The following ZNF560 variants were observed in gnomAD, a reference collection of about 807,000 sequenced individuals.
ZNF560 encodes zinc finger protein 560.
Under a neutral mutation model 81.8 loss-of-function variants are expected in ZNF560, and 54 were observed. That is an observed-to-expected ratio of 0.66 (90% CI 0.53 to 0.83). The LOEUF (loss-of-function observed/expected upper bound fraction) is 0.83, where lower values mean the gene tolerates loss of function less well. Ranked by LOEUF, ZNF560 falls within the 40% of genes least tolerant of loss-of-function variation. The pLI, the probability that ZNF560 is intolerant of heterozygous loss-of-function variation, is 0.00. For synonymous variants in ZNF560, 321 were observed against 317.9 expected (o/e 1.01, Z -0.10); for missense variants, 940 against 932.4 (o/e 1.01, Z -0.11).
chr19:9,451,785 G>A, the ZNF560 span, among the ~76,000 whole-genome samples: 5 of 152,218 alleles, frequency 3.3e-5, no homozygotes, highest in East Asian at 9.7e-4. Context: ...ATTAAAAAAT[G>A]GGCAAATGGT....
chr19:9,477,656 T>G (rs906187524), intron 2 of ZNF560, among the ~76,000 whole-genome samples: 1 of 152,164 alleles, frequency 6.6e-6, no homozygotes, highest in Non-Finnish European at 1.5e-5. Flanking sequence ...CCCCTTATAT[T>G]GACTATTTGA....
At chr19:9,464,994 T>A (rs1270796543), downstream of ZNF560, among the ~76,000 whole-genome samples, 3 of 152,160 alleles carry the variant, frequency 2.0e-5, no homozygotes, top group Non-Finnish European at 4.4e-5. Context: ...GAAGTTTTTC[T>A]CCACTATAAA....
intron 3 of ZNF560, among the ~76,000 whole-genome samples, chr19:9,474,750 C>A (rs1275461074): frequency 1.3e-5 from 2 of 151,192 alleles, no homozygotes; most frequent in Non-Finnish European, 2.9e-5. Flanking sequence ...CCTTGACTTA[C>A]TGGGCTCAAG....
At chr19:9,454,746 G>A in the ZNF560 span, among the ~76,000 whole-genome samples, 2 of 152,170 alleles carry the variant, frequency 1.3e-5, no homozygotes, top group South Asian at 4.1e-4. Flanking sequence ...GGCGTATAAG[G>A]ATGGTGCTGA....
At chr19:9,481,547 A>C (rs1172051254) in intron 2 of ZNF560, among the ~76,000 whole-genome samples, 1 of 152,240 alleles carries the variant, frequency 6.6e-6, no homozygotes, top group Non-Finnish European at 1.5e-5. Context: ...AATATCCAGA[A>C]TCTACAAAGA....
downstream of ZNF560, among the ~76,000 whole-genome samples, chr19:9,463,568 C>T (rs773614846): frequency 1.1e-4 from 17 of 152,186 alleles, 1 homozygote; most frequent in South Asian, 2.1e-4. Flanking sequence ...AACAGTTAAA[C>T]GCAACAAAGA....
chr19:9,466,103 T>G (rs2073010596), downstream of ZNF560, among the ~76,000 whole-genome samples: 1 of 152,150 alleles, frequency 6.6e-6, no homozygotes, highest in Non-Finnish European at 1.5e-5. Flanking sequence ...CCCAGCATTT[T>G]GGGAGGTGGA....
chr19:9,456,666 A>G, the ZNF560 span, among the ~76,000 whole-genome samples: 6 of 152,218 alleles, frequency 3.9e-5, no homozygotes, highest in Non-Finnish European at 8.8e-5. Context: ...AGCCTGCTCA[A>G]TTTAACATAG....
chr19:9,460,173 G>C, the ZNF560 span, among the ~76,000 whole-genome samples: 1 of 152,172 alleles, frequency 6.6e-6, no homozygotes, highest in Non-Finnish European at 1.5e-5. Context: ...GGTTTTGGGA[G>C]GATCCCAAAC....
chr19:9,460,561 A>G, the ZNF560 span, among the ~76,000 whole-genome samples: 1 of 152,228 alleles, frequency 6.6e-6, no homozygotes, highest in East Asian at 1.9e-4. Flanking sequence ...ACAGGGAAGG[A>G]ACTGTTATGA....
chr19:9,463,590 A>C (rs992112340), downstream of ZNF560, among the ~76,000 whole-genome samples: 1 of 152,254 alleles, frequency 6.6e-6, no homozygotes, highest in Admixed American at 6.5e-5. Context: ...GGGTTAAAAT[A>C]ATCACACTCA....
upstream of ZNF560, among the ~76,000 whole-genome samples, chr19:9,500,896 G>A (rs1445366148): frequency 2.6e-5 from 4 of 151,984 alleles, no homozygotes; most frequent in African/African-American, 9.7e-5. Flanking sequence ...TTTTTATCAA[G>A]GAAAAGTGTT....
downstream of ZNF560, among the ~76,000 whole-genome samples, chr19:9,465,129 ATTTT>A (rs887659069): frequency 7.7e-4 from 100 of 129,512 alleles, no homozygotes; most frequent in African/African-American, 2.7e-3. Flanking sequence ...AAAGCTATTG[ATTTT>A]TTTTTTTTTT....
the ZNF560 span, among the ~76,000 whole-genome samples, chr19:9,459,117 G>C: frequency 6.6e-6 from 1 of 152,206 alleles, no homozygotes; most frequent in Non-Finnish European, 1.5e-5. Flanking sequence ...AGACATTACT[G>C]GTATCCCATA....
chr19:9,447,925 T>C, the ZNF560 span, among the ~76,000 whole-genome samples: 1 of 151,962 alleles, frequency 6.6e-6, no homozygotes, highest in Non-Finnish European at 1.5e-5. Context: ...CAGCCTAAGG[T>C]CAACGCTAGA....
Position 9,467,629 on chromosome 19 carries a change from C to G in ZNF560, c.1318G>C (p.Ala440Pro). Residue 440 changes from alanine to proline, a missense_variant, in exon 10 of 10, where the codon GCC becomes CCC. Transcript: ENST00000301480. ...AAAAGAGATGGGTAAGAAATAAAGG[C>G]TTTCCCACAGTGGTCACATTTAAAG... ...KTFKCDHCGKAFISYPSLFGH... is the reference protein window; with the variant it reads ...KTFKCDHCGKPFISYPSLFGH... 6.2e-7 allele frequency: 1 copy of G among 1,614,088 alleles called. No individual in the cohort carries two copies. The highest frequency in any genetic ancestry group is 8.5e-7 in the Non-Finnish European group (1 of 1,179,994).
the ZNF560 span, among the ~76,000 whole-genome samples, chr19:9,504,805 G>A: frequency 7.9e-5 from 12 of 151,704 alleles, no homozygotes; most frequent in South Asian, 4.2e-4. Flanking sequence ...ACAGAGTCTC[G>A]GCTGGGCACA....
At chr19:9,506,465 TAC>T in the ZNF560 span, among the ~76,000 whole-genome samples, 4 of 151,310 alleles carry the variant, frequency 2.6e-5, no homozygotes, top group Admixed American at 2.0e-4. Context: ...GCCTAAAACA[TAC>T]ACTTATAATT....
intron 2 of ZNF560, among the ~76,000 whole-genome samples, chr19:9,492,134 T>C (rs2335942): frequency 0.15 from 22,780 of 151,720 alleles, 2,564 homozygotes; most frequent in African/African-American, 0.31. Flanking sequence ...GCATGTATCA[T>C]CAAGCCTGGC....
Sources: gnomAD v4.1 joint callset for allele counts (sites outside exome capture counted in the v4.1 genomes callset) on GRCh38, gnomAD v4.1.1 for gene constraint, MANE v1.5 for transcripts, NCBI Gene and HGNC (gene_info 2026-07-23, HGNC 2026-07-21) for gene names.